Variants in COBLL1 observed in about 807,000 individuals in gnomAD.
The protein encoded by COBLL1 is cordon-bleu WH2 repeat protein like 1.
A neutral mutation model predicts 94.8 loss-of-function variants in COBLL1; 50 were observed. The observed-to-expected ratio is 0.53, with a 90% CI of 0.42 to 0.67. The LOEUF is 0.67. Ranked by LOEUF, COBLL1 falls within the 30% of genes least tolerant of loss-of-function variation. The pLI is 0.00. For missense variants in COBLL1, 1,362 were observed against 1,348.7 expected, an observed-to-expected ratio of 1.01 and a Z score of -0.15; for synonymous variants, 448 against 473.8, an observed-to-expected ratio of 0.95 and a Z score of 0.71.
At chr2:164,816,058 G>A (rs1017992501) in intron 2 of COBLL1, among the ~76,000 whole-genome samples, 3 of 151,946 alleles carry the variant, frequency 2.0e-5, no homozygotes, top group Non-Finnish European at 4.4e-5. Flanking sequence ...AAGCTTGTAC[G>A]CAAAAACATA....
At chr2:164,807,315 C>T (rs548414572) in intron 2 of COBLL1, among the ~76,000 whole-genome samples, 4 of 151,548 alleles carry the variant, frequency 2.6e-5, no homozygotes, top group South Asian at 2.1e-4. Flanking sequence ...TAGTCAGGCA[C>T]GGCAGTGGGC....
chr2:164,693,444 T>A (rs905538069), intron 12 of COBLL1, among the ~76,000 whole-genome samples: 1 of 152,150 alleles, frequency 6.6e-6, no homozygotes, highest in South Asian at 2.1e-4. Flanking sequence ...CACACAAATA[T>A]GAATGTATTC....
intron 2 of COBLL1, among the ~76,000 whole-genome samples, chr2:164,817,626 C>T (rs1684835889): frequency 6.6e-6 from 1 of 152,090 alleles, no homozygotes; most frequent in Admixed American, 6.6e-5. Context: ...CCTTCACCAT[C>T]ACTGTAAGAC....
intron 1 of COBLL1, among the ~76,000 whole-genome samples, chr2:164,673,469 G>A (rs1339551506): frequency 1.3e-5 from 2 of 152,126 alleles, no homozygotes; most frequent in Non-Finnish European, 2.9e-5. Flanking sequence ...GAGATCAGGA[G>A]CTTGAGACCA....
chr2:164,662,236 G>T (rs572899833), intron 2 of COBLL1, among the ~76,000 whole-genome samples: 27 of 152,246 alleles, frequency 1.8e-4, no homozygotes, highest in African/African-American at 5.8e-4. Flanking sequence ...TCCTTAAATA[G>T]CTTGGGTCTG....
chr2:164,742,495 A>G (rs920899145), intron 3 of COBLL1, among the ~76,000 whole-genome samples: 3 of 152,164 alleles, frequency 2.0e-5, no homozygotes, highest in Admixed American at 6.6e-5. Flanking sequence ...CTAACTTTCA[A>G]GATGTCTTTC....
intron 2 of COBLL1, among the ~76,000 whole-genome samples, chr2:164,782,677 T>G (rs1183373860): frequency 6.6e-6 from 1 of 152,176 alleles, no homozygotes; most frequent in East Asian, 1.9e-4. Context: ...AAATTCTATC[T>G]TGTGTATTTT....
rs1279292361 is a variant in COBLL1, at chr2:164,685,268, A to G, written c.*678T>C. On this transcript the variant is annotated 3_prime_UTR_variant, in exon 14 of 14. Transcript: ENST00000652658. ...CATAATTATATACAGAAAATATTTA[A>G]AATTCTTGTAGAATTTAAGTTCTAA... The G allele has an allele frequency of 6.6e-6, 1 of 152,178 alleles. No homozygotes were observed. The highest frequency in any genetic ancestry group is 2.4e-5 in the African/African-American group (1 of 41,454). 9.4% of individuals were successfully genotyped at this position (152,178 alleles called of 1,614,324 possible). A position where few individuals can be genotyped will look rare whatever the true frequency, so the allele number is the denominator to read the frequency against.
At chr2:164,828,665 C>A (rs2105376624) in intron 2 of COBLL1, among the ~76,000 whole-genome samples, 1 of 152,332 alleles carries the variant, frequency 6.6e-6, no homozygotes, top group South Asian at 2.1e-4. Context: ...CTACACACAT[C>A]AGGCTCTCAA....
At chr2:164,805,329 C>CTATATA (rs1412509415) in intron 2 of COBLL1, among the ~76,000 whole-genome samples, 125 of 22,630 alleles carry the variant, frequency 5.5e-3, no homozygotes, top group South Asian at 9.3e-3. Context: ...CTCTCTCTCT[C>CTATATA]TCTCTCTCTA....
Position 164,841,639 on chromosome 2 carries a change from C to T in COBLL1, c.-51+71G>A. 5.8e-6 allele frequency: 2 copies of T among 347,360 alleles called. 1 individual carries two copies. Among genetic ancestry groups the T allele is most frequent in the Non-Finnish European group, 1.0e-5 (2 of 200,340 alleles). 21.5% of individuals were successfully genotyped at this position (347,360 alleles called of 1,614,324 possible). A position where few individuals can be genotyped will look rare whatever the true frequency, so the allele number is the denominator to read the frequency against. The stretch of plus-strand genomic sequence containing the variant: ...TCCGGCCGAGTTTGCACAAACAAAA[C>T]GCCCTAGGAAAACTTTTCCCGAAGA... On this transcript the variant is annotated intron_variant, in intron 1 of 13. Coordinates refer to ENST00000652658, the MANE Select transcript of COBLL1 (RefSeq NM_001365672.2). This position sits in a 1 kb window ranked among gnomAD's most constrained non-coding sequence, Gnocchi z 5.5.
chr2:164,661,883 A>G (rs1691075153), intron 2 of COBLL1, among the ~76,000 whole-genome samples: 1 of 152,090 alleles, frequency 6.6e-6, no homozygotes, highest in African/African-American at 2.4e-5. Flanking sequence ...AATGTTTTTT[A>G]TGGTTATTCA....
intron 2 of COBLL1, among the ~76,000 whole-genome samples, chr2:164,820,621 T>C (rs1230539275): frequency 6.6e-6 from 1 of 152,206 alleles, no homozygotes; most frequent in Non-Finnish European, 1.5e-5. Context: ...TAGTAATGTA[T>C]TCATACTGTT....
intron 2 of COBLL1, among the ~76,000 whole-genome samples, chr2:164,811,731 A>C (rs1684468729): frequency 6.6e-6 from 1 of 152,002 alleles, no homozygotes; most frequent in Non-Finnish European, 1.5e-5. Context: ...ACAGCCAAAA[A>C]AGTATATTTA....
At chr2:164,837,129 TAA>T (rs1426762866) in intron 2 of COBLL1, among the ~76,000 whole-genome samples, 3 of 152,204 alleles carry the variant, frequency 2.0e-5, no homozygotes, top group African/African-American at 4.8e-5. Context: ...TGCAAAATGA[TAA>T]AGAGAGCTTT....
intron 2 of COBLL1, among the ~76,000 whole-genome samples, chr2:164,798,722 T>A (rs1270330530): frequency 1.3e-5 from 2 of 152,064 alleles, no homozygotes; most frequent in South Asian, 2.1e-4. Flanking sequence ...AAGTTTCAGT[T>A]AAGAGGGGGT....
intron 1 of COBLL1, among the ~76,000 whole-genome samples, chr2:164,672,705 CAAAA>C (rs1187183800): frequency 6.2e-5 from 4 of 64,938 alleles, no homozygotes; most frequent in Admixed American, 1.7e-4. Flanking sequence ...GACTCCGTCT[CAAAA>C]AAAAAAAAAA....
intron 2 of COBLL1, among the ~76,000 whole-genome samples, chr2:164,776,245 G>A (rs355875): frequency 0.23 from 35,433 of 151,882 alleles, 4,798 homozygotes; most frequent in African/African-American, 0.37. Flanking sequence ...TCTTCCAAAC[G>A]CTTCCCATGG....
intron 2 of COBLL1, among the ~76,000 whole-genome samples, chr2:164,828,468 A>G (rs1227113351): frequency 1.3e-5 from 2 of 152,202 alleles, no homozygotes; most frequent in African/African-American, 4.8e-5. Flanking sequence ...CCCTACAAAG[A>G]TATAATACAT....
Sources: allele counts gnomAD v4.1 joint callset (sites outside exome capture counted in the v4.1 genomes callset), GRCh38; gene constraint gnomAD v4.1.1; non-coding constraint Gnocchi (gnomAD v3.1); transcripts MANE v1.5; gene names NCBI Gene and HGNC (gene_info 2026-07-23, HGNC 2026-07-21).